The following TNFRSF1A variants were observed in gnomAD, a reference collection of about 807,000 sequenced individuals.
The protein encoded by TNFRSF1A is TNF receptor superfamily member 1A, also known as tumor necrosis factor receptor superfamily member 1A.
In TNFRSF1A, 9 loss-of-function variants were observed where a neutral mutation model predicts 41.6. The observed-to-expected ratio is 0.22, with a 90% confidence interval of 0.13 to 0.38. The LOEUF (loss-of-function observed/expected upper bound fraction) is 0.38, where lower values mean the gene tolerates loss of function less well. TNFRSF1A is among the 10% of genes least tolerant of loss of function. The pLI, the probability that TNFRSF1A is intolerant of heterozygous loss-of-function variation, is 1.00. For missense variants in TNFRSF1A, 463 were observed against 591.5 expected (o/e 0.78, Z 2.25); for synonymous variants, 254 against 248.6 (o/e 1.02, Z -0.21).
intron 1 of TNFRSF1A, among the ~76,000 whole-genome samples, chr12:6,335,290 C>T (rs962754019): frequency 6.6e-6 from 1 of 152,002 alleles, no homozygotes; most frequent in Non-Finnish European, 1.5e-5. Flanking sequence ...CATGGGTAGA[C>T]GGGGGACAAA....
chr12:6,340,413 C>T (rs867447974), intron 1 of TNFRSF1A, among the ~76,000 whole-genome samples: 21 of 152,234 alleles, frequency 1.4e-4, no homozygotes, highest in Middle Eastern at 6.8e-3. Context: ...AGCCAGGGGC[C>T]GCCCCCAAAC....
intron 5 of TNFRSF1A, chr12:6,331,246 C>A: frequency 2.3e-6 from 1 of 434,306 alleles, no homozygotes; most frequent in Non-Finnish European, 4.3e-6. Context: ...GTTTCCTCAT[C>A]ACCACAGGGA....
At chr12:6,339,841 TCACACACACA>T (rs57599695) in intron 1 of TNFRSF1A, among the ~76,000 whole-genome samples, 11 of 113,650 alleles carry the variant, frequency 9.7e-5, no homozygotes, top group South Asian at 2.5e-4. Context: ...TCTCTCTCTC[TCACACACACA>T]CACACACACA....
Position 6,334,362 on chromosome 12 carries a change from G to T in TNFRSF1A, c.40-118C>A. The T allele has an allele frequency of 1.2e-6, 1 of 836,498 alleles. No individual in the cohort carries two copies. Among genetic ancestry groups the T allele is most frequent in the Non-Finnish European group, 1.9e-6 (1 of 531,460 alleles). 51.8% of individuals were successfully genotyped at this position (836,498 alleles called of 1,614,324 possible). A position where few individuals can be genotyped will look rare whatever the true frequency, so the allele number is the denominator to read the frequency against. On this transcript the variant is annotated intron_variant, in intron 1 of 9. Transcript: ENST00000162749. The surrounding 1 kb of genome is among the most constrained non-coding windows in gnomAD (Gnocchi z 5.1). Reference sequence around the variant, plus strand: ...CTTCCTCAGTGAAACATTCCGCCCAGGCCACGCCACTCACTAAGTTTAGAG... The same window carrying T: ...CTTCCTCAGTGAAACATTCCGCCCATGCCACGCCACTCACTAAGTTTAGAG...
At chr12:6,329,732 C>T (rs768859610) in intron 9 of TNFRSF1A, 46 bp downstream of exon 9, 4 of 1,567,826 alleles carry the variant, frequency 2.6e-6, no homozygotes, top group South Asian at 2.3e-5. Flanking sequence ...CGCGCTCCCC[C>T]GGCCCTCCCC....
At chr12:6,338,314 A>G (rs1398153300) in intron 1 of TNFRSF1A, among the ~76,000 whole-genome samples, 1 of 151,764 alleles carries the variant, frequency 6.6e-6, no homozygotes, top group Non-Finnish European at 1.5e-5. Flanking sequence ...CCGCCATCCC[A>G]TGTGTCAGTT....
chr12:6,339,645 G>C (rs148049569), intron 1 of TNFRSF1A, among the ~76,000 whole-genome samples: 1 of 152,284 alleles, frequency 6.6e-6, no homozygotes, highest in Non-Finnish European at 1.5e-5. Context: ...TGGTGCTCCA[G>C]GACACCACAT....
Position 6,334,002 on chromosome 12 carries a change from A to G in TNFRSF1A, c.193+89T>C, listed in dbSNP as rs1948086713. The G allele has an allele frequency of 1.9e-6, 3 of 1,611,552 alleles. No individual in the cohort carries two copies. Among genetic ancestry groups the G allele is most frequent in the East Asian group, 2.2e-5 (1 of 44,874 alleles). On this transcript the variant is annotated intron_variant, in intron 2 of 9. Coordinates refer to ENST00000162749, the MANE Select transcript of TNFRSF1A (RefSeq NM_001065.4). The surrounding 1 kb of genome is among the most constrained non-coding windows in gnomAD (Gnocchi z 5.1). ...GAGAAAATCCCAGCCCAGGAGAGAC[A>G]GCAAAGTTAGGGAAGAACAACTGGA...
rs1251752503 is a variant in TNFRSF1A at position 6,341,769 on chromosome 12, G to A, written c.39+7C>T. On this transcript the variant is annotated splice_region_variant and intron_variant, in intron 1 of 9. Transcript: ENST00000162749. The surrounding 1 kb of genome is among the most constrained non-coding windows in gnomAD (Gnocchi z 4.6). Reference sequence around the variant, plus strand: ...CAGCCCACTCTTCCCTTTGTCCCTGGTCTCACCAGTGGCAGCAGCAGGTCA... The same window carrying A: ...CAGCCCACTCTTCCCTTTGTCCCTGATCTCACCAGTGGCAGCAGCAGGTCA... 1 of 1,614,092 alleles carries A rather than the reference G, an allele frequency of 6.2e-7. No homozygotes were observed. The highest frequency in any genetic ancestry group is 1.7e-5 in the Admixed American group (1 of 60,028).
intron 1 of TNFRSF1A, among the ~76,000 whole-genome samples, chr12:6,340,787 A>G (rs1948185313): frequency 6.6e-6 from 1 of 152,194 alleles, no homozygotes; most frequent in African/African-American, 2.4e-5. Context: ...AATCTGCCTG[A>G]CTAGATGGGC....
At chr12:6,331,258 CG>C (rs1385148768) in intron 5 of TNFRSF1A, 5 of 417,516 alleles carry the variant, frequency 1.2e-5, no homozygotes, top group African/African-American at 1.0e-4. Flanking sequence ...CCACAGGGAT[CG>C]CCCACCTCTC....
chr12:6,337,175 C>A lies in TNFRSF1A; in HGVS notation c.40-2931G>T, dbSNP rs1036162513. Among the ~76,000 whole-genome samples the A allele has an allele frequency of 6.6e-6, 1 of 152,220 alleles. No individual in the cohort carries two copies. Among genetic ancestry groups the A allele is most frequent in the African/African-American group, 2.4e-5 (1 of 41,456 alleles). ...CCCTCAGACTCCCCACCACTGGGCACCACTGCTGGCACCAGCTGGCCCCAG... is the reference window on the plus strand; with the variant it reads ...CCCTCAGACTCCCCACCACTGGGCAACACTGCTGGCACCAGCTGGCCCCAG... On this transcript the variant is annotated intron_variant, in intron 1 of 9. Transcript: ENST00000162749. The surrounding 1 kb of genome is among the most constrained non-coding windows in gnomAD (Gnocchi z 4.6).
intron 1 of TNFRSF1A, among the ~76,000 whole-genome samples, chr12:6,338,939 C>A (rs1311078184): frequency 2.6e-5 from 4 of 152,126 alleles, no homozygotes; most frequent in Non-Finnish European, 5.9e-5. Flanking sequence ...TGAGATGCCT[C>A]ACCTCACTTC....
rs200801196 is a variant in TNFRSF1A at position 6,333,468 on chromosome 12, A to G, written c.371T>C (p.Val124Ala). 8 of 1,614,136 alleles carry G rather than the reference A, an allele frequency of 5.0e-6. No individual in the cohort carries two copies. The highest frequency in any genetic ancestry group is 1.1e-5 in the South Asian group (1 of 91,078). Reference protein sequence around the residue: ...ISSCTVDRDTVCGCRKNQYRH... With the variant: ...ISSCTVDRDTACGCRKNQYRH... Reference sequence around the variant, plus strand: ...GTACTGGTTCTTCCTGCAGCCACACACGGTGTCCCGGTCCACTGTGCAAGA... The same window carrying G: ...GTACTGGTTCTTCCTGCAGCCACACGCGGTGTCCCGGTCCACTGTGCAAGA... Residue 124 changes from valine to alanine, a missense_variant, in exon 4 of 10, where the codon GTG (valine) becomes GCG (alanine). Physicochemically the swap from Val to Ala is moderately conservative, Grantham distance 64. Coordinates refer to ENST00000162749, the MANE Select transcript of TNFRSF1A (RefSeq NM_001065.4). This position sits in a 1 kb window ranked among gnomAD's most constrained non-coding sequence, Gnocchi z 6.3.
intron 1 of TNFRSF1A, among the ~76,000 whole-genome samples, chr12:6,336,245 G>A (rs4149633): frequency 0.024 from 3,666 of 152,192 alleles, 142 homozygotes; most frequent in African/African-American, 0.084. Flanking sequence ...GAGGGAGGGA[G>A]AGAGGCTTTC....
Position 6,342,051 on chromosome 12 carries a change from G to A in TNFRSF1A, c.-237C>T, listed in dbSNP as rs539557129. 1 of 598,650 alleles carries A rather than the reference G, an allele frequency of 1.7e-6. No individual in the cohort carries two copies. The highest frequency in any genetic ancestry group is 2.8e-5 in the East Asian group (1 of 35,240). The allele number at this position is 598,650 out of a possible 1,614,324, so 37.1% of individuals were successfully genotyped here. On this transcript the variant is annotated 5_prime_UTR_variant, in exon 1 of 10. Transcript: ENST00000162749. ...CTGAGAAAATTAAAGCAGAGAGGAG[G>A]GGAGAGAAGGTGGGAGGGGAAGAGT... is the stretch of plus-strand genomic sequence containing the variant.
Position 6,341,285 on chromosome 12 carries a change from A to C in TNFRSF1A, c.39+491T>G, listed in dbSNP as rs1247578008. ...ACTCCCCCACTTCACCAGCCGCCAA[A>C]ATCCTGCCCTACAGGGTGTGCTCCA... On this transcript the variant is annotated intron_variant, in intron 1 of 9. Coordinates refer to ENST00000162749, the MANE Select transcript of TNFRSF1A (RefSeq NM_001065.4). This position sits in a 1 kb window ranked among gnomAD's most constrained non-coding sequence, Gnocchi z 4.6. Among the ~76,000 whole-genome samples the C allele has an allele frequency of 6.6e-6, 1 of 151,818 alleles. No homozygotes were observed. Among genetic ancestry groups the C allele is most frequent in the East Asian group, 1.9e-4 (1 of 5,174 alleles).
chr12:6,341,725 C>G lies in TNFRSF1A; in HGVS notation c.39+51G>C. 1.9e-6 allele frequency: 3 copies of G among 1,609,610 alleles called. No individual in the cohort carries two copies. Among genetic ancestry groups the G allele is most frequent in the Non-Finnish European group, 2.5e-6 (3 of 1,177,258 alleles). On this transcript the variant is annotated intron_variant, in intron 1 of 9. Coordinates refer to ENST00000162749, the MANE Select transcript of TNFRSF1A (RefSeq NM_001065.4). The surrounding 1 kb of genome is among the most constrained non-coding windows in gnomAD (Gnocchi z 4.6). ...CCTCCCGGAGAGGGCCCACGCCAGC[C>G]GGAAGGTGCCTCGCCCACCAGCCCA...
At position 6,329,997 on chromosome 12, in the gene TNFRSF1A, T is replaced by A. The variant is rs764866590; in HGVS notation, c.838A>T (p.Thr280Ser). The A allele has an allele frequency of 3.1e-6, 5 of 1,600,826 alleles. No individual in the cohort carries two copies. In the African/African-American group the frequency reaches 6.7e-5, roughly 21 times the overall value. The change falls in exon 9 of 10, where the codon ACC becomes TCC. Residue 280 changes from threonine (T) to serine (S), a missense_variant. Physicochemically the swap from Thr to Ser is moderately conservative, Grantham distance 58. Transcript: ENST00000162749. Reference protein sequence around the residue: ...NPSFSPTPGFTPTLGFSPVPS... With the variant: ...NPSFSPTPGFSPTLGFSPVPS... ...ACGGGACTGAAGCCCAGGGTGGGGG[T>A]GAAGCCTGGAGTGGGACTGAAGCTT...
Sources: gnomAD v4.1 joint callset for allele counts (sites outside exome capture counted in the v4.1 genomes callset) on GRCh38, gnomAD v4.1.1 for gene constraint, Gnocchi (gnomAD v3.1) non-coding constraint, MANE v1.5 for transcripts, NCBI Gene and HGNC (gene_info 2026-07-23, HGNC 2026-07-21) for gene names.